Variants in MYH14 observed in about 807,000 individuals in gnomAD.
MYH14 encodes myosin-14.
MYH14 carries 123 observed loss-of-function variants against 255.5 expected under a neutral mutation model. That is an observed-to-expected ratio of 0.48 (90% CI 0.42 to 0.56). The LOEUF (loss-of-function observed/expected upper bound fraction) is 0.56, where lower values mean the gene tolerates loss of function less well. MYH14 is among the 20% of genes least tolerant of loss of function. The pLI is 0.00. For synonymous variants in MYH14, 1,095 were observed against 1,161.2 expected (o/e 0.94, Z 1.16); for missense variants, 2,423 against 2,802.3 (o/e 0.86, Z 3.06).
At chr19:50,243,536 G>T (rs1367744147) in intron 10 of MYH14, among the ~76,000 whole-genome samples, 1 of 152,212 alleles carries the variant, frequency 6.6e-6, no homozygotes, top group East Asian at 1.9e-4. Context: ...GCTGAGGCAG[G>T]AGGATCACTT....
chr19:50,290,233 A>G (rs779961416), intron 35 of MYH14, among the ~76,000 whole-genome samples: 21 of 144,130 alleles, frequency 1.5e-4, no homozygotes, highest in Non-Finnish European at 2.4e-4. Flanking sequence ...TCACTGACTC[A>G]CTGACCTGCT....
chr19:50,257,559 G>A lies in MYH14; in HGVS notation c.2232+73G>A, dbSNP rs375445684. 19 of 1,435,820 alleles carry A rather than the reference G, an allele frequency of 1.3e-5. No homozygotes were observed. In the South Asian group the frequency reaches 1.3e-4, roughly 10 times the overall value. 88.9% of individuals were successfully genotyped at this position (1,435,820 alleles called of 1,614,324 possible). On this transcript the variant is annotated intron_variant, in intron 18 of 42. Coordinates refer to ENST00000642316, the MANE Select transcript of MYH14 (RefSeq NM_001145809.2). ...AAGGTTTGGCCTCTGGACTTGGCTG[G>A]AGCCACATCTGATTCGAGGACCCTC...
rs796352047 is a variant in MYH14 at position 50,298,943 on chromosome 19, TA to T, written c.5470-2717del. Among the ~76,000 whole-genome samples the T allele has an allele frequency of 3.2e-3, 484 of 151,662 alleles. 3 individuals are homozygous for T. Among genetic ancestry groups the T allele is most frequent in the African/African-American group, 0.011 (463 of 41,302 alleles). On this transcript the variant is annotated intron_variant, in intron 39 of 42. Transcript: ENST00000642316. ...CCAAAAACAACAACAACAACAAAACTATCAGGGCATGATGGTGTGCACCTGT... is the reference window on the plus strand; with the variant it reads ...CCAAAAACAACAACAACAACAAAACTTCAGGGCATGATGGTGTGCACCTGT...
intron 16 of MYH14, among the ~76,000 whole-genome samples, chr19:50,253,641 C>T (rs528415748): frequency 2.2e-4 from 34 of 151,978 alleles, no homozygotes; most frequent in Non-Finnish European, 3.7e-4. Context: ...CCCAAAAGGC[C>T]CCCATGAGTG....
chr19:50,231,213 G>C (rs2033367815), intron 9 of MYH14, among the ~76,000 whole-genome samples: 1 of 152,222 alleles, frequency 6.6e-6, no homozygotes. Flanking sequence ...GCCGCTTCCT[G>C]GCTCCTGCGG....
intron 1 of MYH14, among the ~76,000 whole-genome samples, chr19:50,205,042 C>G (rs1341389676): frequency 2.0e-5 from 3 of 152,026 alleles, no homozygotes; most frequent in Non-Finnish European, 4.4e-5. Flanking sequence ...TACCATTGTC[C>G]TCTTCTTTGG....
chr19:50,249,021 C>A lies in MYH14; in HGVS notation c.1364C>A (p.Thr455Asn). Residue 455 changes from threonine to asparagine, a missense_variant, in exon 13 of 43, where the codon ACC becomes AAC. Physicochemically the swap from Thr to Asn is moderately conservative, Grantham distance 65. Coordinates refer to ENST00000642316, the MANE Select transcript of MYH14 (RefSeq NM_001145809.2). Reference protein sequence around the residue: ...DFALEALAKATYERLFRWLVL... With the variant: ...DFALEALAKANYERLFRWLVL... ...GCGCTGGAGGCCCTGGCCAAGGCCA[C>A]CTACGAGCGCCTCTTCCGCTGGCTG... 6.2e-7 allele frequency: 1 copy of A among 1,613,608 alleles called. No individual in the cohort carries two copies.
At chr19:50,224,321 G>T in intron 6 of MYH14, 144 bp downstream of exon 6, 1 of 1,104,518 alleles carries the variant, frequency 9.1e-7, no homozygotes, top group Non-Finnish European at 1.4e-6. Flanking sequence ...TGCTATTCAT[G>T]GCGGCCCTGC....
Position 50,217,149 on chromosome 19 carries a change from C to A in MYH14, c.406-466C>A, listed in dbSNP as rs577369731. ...TTCTAATGCAAATGGTAGCTCCTCACGCAGTCCTCAACTCACCTCCTTTTA... is the reference window on the plus strand; with the variant it reads ...TTCTAATGCAAATGGTAGCTCCTCAAGCAGTCCTCAACTCACCTCCTTTTA... On this transcript the variant is annotated intron_variant, in intron 2 of 42. Transcript: ENST00000642316. Among the ~76,000 whole-genome samples the A allele has an allele frequency of 3.9e-5, 6 of 152,276 alleles. No individual in the cohort carries two copies. The East Asian group carries it at 1.2e-3, about 29-fold the overall frequency.
At chr19:50,267,323 C>T (rs2035125112) in intron 23 of MYH14, among the ~76,000 whole-genome samples, 1 of 152,002 alleles carries the variant, frequency 6.6e-6, no homozygotes, top group Non-Finnish European at 1.5e-5. Flanking sequence ...GCAGGGGCCT[C>T]AGCTGTGGCC....
At chr19:50,268,589 A>T (rs1353082544) in intron 24 of MYH14, among the ~76,000 whole-genome samples, 1 of 152,264 alleles carries the variant, frequency 6.6e-6, no homozygotes, top group Non-Finnish European at 1.5e-5. Context: ...TGATATGTTC[A>T]GCTTCAGGCC....
chr19:50,301,553 T>C lies in MYH14; in HGVS notation c.5470-108T>C, dbSNP rs374803706. 3 of 737,058 alleles carry C rather than the reference T, an allele frequency of 4.1e-6. No individual in the cohort carries two copies. In the African/African-American group the frequency reaches 5.2e-5, roughly 13 times the overall value. The allele number at this position is 737,058 out of a possible 1,614,324, so 45.7% of individuals were successfully genotyped here. On this transcript the variant is annotated intron_variant, in intron 39 of 42. Transcript: ENST00000642316. Reference sequence around the variant, plus strand: ...TTAGTATGTTTCAGGCTCTGTGCTATGCGTGTGACAATCATCAGTGCACTT... The same window carrying C: ...TTAGTATGTTTCAGGCTCTGTGCTACGCGTGTGACAATCATCAGTGCACTT...
chr19:50,229,989 A>G (rs144929939), intron 8 of MYH14, among the ~76,000 whole-genome samples: 3,872 of 152,214 alleles, frequency 0.025, 57 homozygotes, highest in Middle Eastern at 0.031. Context: ...ATCTCGGCTC[A>G]CTGCAACCTC....
chr19:50,249,858 G>C (rs758773998), intron 14 of MYH14, 35 bp downstream of exon 14: 1 of 1,611,064 alleles, frequency 6.2e-7, no homozygotes, highest in South Asian at 1.1e-5. Flanking sequence ...CACACTCACG[G>C]TTCAGATCCG....
intron 36 of MYH14, among the ~76,000 whole-genome samples, chr19:50,291,664 A>G (rs2036080568): frequency 6.6e-6 from 1 of 152,148 alleles, no homozygotes; most frequent in Admixed American, 6.5e-5. Flanking sequence ...CAGGAGTTCA[A>G]TACCAGCCTG....
Position 50,252,788 on chromosome 19 carries a change from G to C in MYH14, c.1945+35G>C, listed in dbSNP as rs1169153960. 1 of 1,455,746 alleles carries C rather than the reference G, an allele frequency of 6.9e-7. No homozygotes were observed. Among genetic ancestry groups the C allele is most frequent in the Non-Finnish European group, 9.4e-7 (1 of 1,060,220 alleles). 90.2% of individuals were successfully genotyped at this position (1,455,746 alleles called of 1,614,324 possible). A position where few individuals can be genotyped will look rare whatever the true frequency, so the allele number is the denominator to read the frequency against. On this transcript the variant is annotated intron_variant, in intron 16 of 42. Coordinates refer to ENST00000642316, the MANE Select transcript of MYH14 (RefSeq NM_001145809.2). The surrounding 1 kb of genome is among the most constrained non-coding windows in gnomAD (Gnocchi z 4.2). ...CACTTCCCCCACCCCGGCTCTAGGG[G>C]TCTGTGCGGCCATTCTCCAAATCCA...
intron 34 of MYH14, among the ~76,000 whole-genome samples, chr19:50,287,801 C>G (rs988991202): frequency 1.3e-5 from 2 of 152,152 alleles, no homozygotes; most frequent in African/African-American, 2.4e-5. Context: ...TATGGATGCT[C>G]AGAGAGAGAA....
At chr19:50,207,428 G>A (rs1196546876) in intron 1 of MYH14, among the ~76,000 whole-genome samples, 1 of 152,028 alleles carries the variant, frequency 6.6e-6, no homozygotes, top group African/African-American at 2.4e-5. Context: ...TGGCCCGCTG[G>A]ATGGTGGGAG....
chr19:50,296,700 C>T lies in MYH14; in HGVS notation c.5469+3013C>T, dbSNP rs116225553. On this transcript the variant is annotated intron_variant, in intron 39 of 42. Transcript: ENST00000642316. ...GGAGCAGGCAATGAACAAGAGTAAC[C>T]CAGAACATTTTGCGATACCCATTAG... Among the ~76,000 whole-genome samples the T allele has an allele frequency of 8.2e-3, 1,246 of 152,288 alleles. 16 individuals carry two copies. The highest frequency in any genetic ancestry group is 0.028 in the African/African-American group (1,180 of 41,560).
Sources: gnomAD v4.1 joint callset for allele counts (sites outside exome capture counted in the v4.1 genomes callset) on GRCh38, gnomAD v4.1.1 for gene constraint, Gnocchi (gnomAD v3.1) non-coding constraint, MANE v1.5 for transcripts, NCBI Gene and HGNC (gene_info 2026-07-23, HGNC 2026-07-21) for gene names.